Variants in DTNB observed in about 807,000 individuals in gnomAD.
DTNB encodes dystrobrevin beta.
A neutral mutation model predicts 90.7 loss-of-function variants in DTNB; 63 were observed. The ratio of observed to expected loss-of-function variants is 0.69; its 90% confidence interval spans 0.57 to 0.86. The LOEUF (loss-of-function observed/expected upper bound fraction) is 0.86. Ranked by LOEUF, DTNB falls within the 40% of genes least tolerant of loss-of-function variation. The pLI, the probability that DTNB is intolerant of heterozygous loss-of-function variation, is 0.00. For synonymous variants in DTNB, 277 were observed against 286.7 expected (o/e 0.97, Z 0.34); for missense variants, 744 against 807.1 (o/e 0.92, Z 0.95).
intron 8 of DTNB, among the ~76,000 whole-genome samples, chr2:25,536,519 C>G (rs565335366): frequency 6.6e-6 from 1 of 152,138 alleles, no homozygotes; most frequent in Non-Finnish European, 1.5e-5. Context: ...CCGGTCAACA[C>G]GGCGAAACCC....
chr2:25,587,423 T>G (rs2062655172), intron 6 of DTNB, among the ~76,000 whole-genome samples: 1 of 152,154 alleles, frequency 6.6e-6, no homozygotes, highest in Non-Finnish European at 1.5e-5. Context: ...TGAATACTAG[T>G]TAGTCATACA....
intron 3 of DTNB, among the ~76,000 whole-genome samples, chr2:25,635,414 G>A (rs1318282792): frequency 2.7e-5 from 4 of 150,768 alleles, no homozygotes; most frequent in East Asian, 4.7e-4. Context: ...GCGATAGAGC[G>A]ACTCTGATTC....
chr2:25,625,339 C>T (rs1486315529), intron 4 of DTNB, among the ~76,000 whole-genome samples: 1 of 152,150 alleles, frequency 6.6e-6, no homozygotes, highest in East Asian at 1.9e-4. Flanking sequence ...AATTAACATT[C>T]TGATAACCAG....
rs986028488 is a variant in DTNB, at chr2:25,645,475, T to C, written c.68-6381A>G. On this transcript the variant is annotated intron_variant, in intron 2 of 20. Transcript: ENST00000406818. ...GATTTTTTTTTTAACAGGGTCTCAC[T>C]CACCCAGGCATTGAAGTGCAGTTTC... is the stretch of plus-strand genomic sequence containing the variant. Among the ~76,000 whole-genome samples the C allele has an allele frequency of 3.9e-4, 60 of 152,170 alleles. 1 individual carries two copies. Among genetic ancestry groups the C allele is most frequent in the Non-Finnish European group, 3.4e-4 (23 of 68,014 alleles).
At chr2:25,386,124 A>G in intron 18 of DTNB, 1 of 985,400 alleles carries the variant, frequency 1.0e-6, no homozygotes, top group Non-Finnish European at 1.2e-6. Context: ...TAGAATGGAG[A>G]GGGTGGCACC....
At chr2:25,546,094 C>A (rs2082345811) in intron 8 of DTNB, among the ~76,000 whole-genome samples, 1 of 152,186 alleles carries the variant, frequency 6.6e-6, no homozygotes, top group Admixed American at 6.5e-5. Flanking sequence ...TTGGGACTTT[C>A]ATAACTGTCT....
chr2:25,410,373 T>C (rs10180663), intron 16 of DTNB, among the ~76,000 whole-genome samples: 69,318 of 151,972 alleles, frequency 0.46, 18,910 homozygotes, highest in African/African-American at 0.76. Flanking sequence ...GCTACTTTTC[T>C]CTTGTATCCT....
chr2:25,655,306 G>A (rs114271752), intron 1 of DTNB, among the ~76,000 whole-genome samples: 1 of 152,330 alleles, frequency 6.6e-6, no homozygotes, highest in African/African-American at 2.4e-5. Flanking sequence ...TAGCTGGGAT[G>A]CATGCCTCCA....
chr2:25,578,541 G>A (rs531888310), intron 7 of DTNB, among the ~76,000 whole-genome samples: 19 of 152,294 alleles, frequency 1.2e-4, no homozygotes, highest in African/African-American at 4.3e-4. Context: ...GAACATATAT[G>A]TCTATGTGAT....
intron 8 of DTNB, among the ~76,000 whole-genome samples, chr2:25,545,630 G>A (rs2082252724): frequency 1.3e-5 from 2 of 152,172 alleles, no homozygotes; most frequent in Admixed American, 1.3e-4. Context: ...TGGGCCTGAG[G>A]AACTTTATTG....
At chr2:25,543,606 G>A (rs974241905) in intron 8 of DTNB, among the ~76,000 whole-genome samples, 3 of 152,062 alleles carry the variant, frequency 2.0e-5, no homozygotes, top group Admixed American at 1.3e-4. Context: ...GCCTGGCTGA[G>A]ACAGATTCTT....
chr2:25,391,425 A>G (rs1325814325), intron 16 of DTNB, among the ~76,000 whole-genome samples: 1 of 152,210 alleles, frequency 6.6e-6, no homozygotes, highest in Non-Finnish European at 1.5e-5. Flanking sequence ...GACAAATAAT[A>G]TTTTAAAATG....
chr2:25,455,350 C>G, intron 11 of DTNB, 55 bp downstream of exon 11: 1 of 1,499,032 alleles, frequency 6.7e-7, no homozygotes, highest in Non-Finnish European at 9.0e-7. Context: ...GGTAGCAAAG[C>G]TCTCCCTCCC....
chr2:25,514,740 G>A (rs1174841151), intron 9 of DTNB, among the ~76,000 whole-genome samples: 1 of 138,856 alleles, frequency 7.2e-6, no homozygotes, highest in Admixed American at 7.6e-5. Flanking sequence ...CCACGCTGGA[G>A]TGCAGTGGCT....
intron 10 of DTNB, among the ~76,000 whole-genome samples, chr2:25,460,701 A>G (rs2060798183): frequency 6.6e-6 from 1 of 152,152 alleles, no homozygotes; most frequent in Admixed American, 6.6e-5. Context: ...TGTGGTTTAG[A>G]AGTCACCAGT....
intron 11 of DTNB, among the ~76,000 whole-genome samples, chr2:25,454,797 G>A (rs570064829): frequency 3.9e-5 from 6 of 152,314 alleles, no homozygotes; most frequent in Admixed American, 2.6e-4. Flanking sequence ...AGGGTAAGGG[G>A]AATGTGGAGC....
chr2:25,666,344 T>C (rs1364764134), intron 1 of DTNB, among the ~76,000 whole-genome samples: 1 of 152,100 alleles, frequency 6.6e-6, no homozygotes, highest in Admixed American at 6.5e-5. Context: ...CAATTAAAAA[T>C]ATTTACCAAG....
At chr2:25,488,578 T>C (rs1398345629) in intron 9 of DTNB, among the ~76,000 whole-genome samples, 1 of 152,164 alleles carries the variant, frequency 6.6e-6, no homozygotes, top group African/African-American at 2.4e-5. Flanking sequence ...AATGTCAAGT[T>C]TGAAAATACA....
chr2:25,465,962 C>G (rs2061697870), intron 10 of DTNB, among the ~76,000 whole-genome samples: 1 of 152,204 alleles, frequency 6.6e-6, no homozygotes, highest in African/African-American at 2.4e-5. Context: ...GAAACAGTGC[C>G]TCGCACATAT....
Sources: gnomAD v4.1 joint callset for allele counts (sites outside exome capture counted in the v4.1 genomes callset) on GRCh38, gnomAD v4.1.1 for gene constraint, MANE v1.5 for transcripts, NCBI Gene and HGNC (gene_info 2026-07-23, HGNC 2026-07-21) for gene names.